Variants in PDE3B observed in about 807,000 individuals in gnomAD.
The protein encoded by PDE3B is phosphodiesterase 3B, also known as cGMP-inhibited 3',5'-cyclic phosphodiesterase 3B.
In PDE3B, 66 loss-of-function variants were observed where a neutral mutation model predicts 116.8. That is an observed-to-expected ratio of 0.56 (90% CI 0.46 to 0.69). PDE3B has a LOEUF of 0.69. Ranked by LOEUF, PDE3B falls within the 30% of genes least tolerant of loss-of-function variation. PDE3B has a pLI of 0.00. For synonymous variants in PDE3B, 595 were observed against 533.6 expected, an observed-to-expected ratio of 1.12 and a Z score of -1.59; for missense variants, 1,384 against 1,368.1, an observed-to-expected ratio of 1.01 and a Z score of -0.18.
chr11:14,756,723 C>T (rs16930516), intron 1 of PDE3B, among the ~76,000 whole-genome samples: 20,086 of 151,956 alleles, frequency 0.13, 1,526 homozygotes, highest in African/African-American at 0.2. Flanking sequence ...CACATGGTAA[C>T]ATATTCTAAG....
At chr11:14,730,618 C>A (rs1313320494) in intron 1 of PDE3B, among the ~76,000 whole-genome samples, 1 of 152,190 alleles carries the variant, frequency 6.6e-6, no homozygotes, top group African/African-American at 2.4e-5. Flanking sequence ...ATTACTTTAA[C>A]AAGTTTCTGC....
chr11:14,895,277 A>C, the PDE3B span, among the ~76,000 whole-genome samples: 1 of 152,250 alleles, frequency 6.6e-6, no homozygotes, highest in African/African-American at 2.4e-5. Flanking sequence ...GAATTGAAGG[A>C]AGTGAGAGCC....
chr11:14,745,710 T>C (rs981988040), intron 1 of PDE3B, among the ~76,000 whole-genome samples: 2 of 152,154 alleles, frequency 1.3e-5, no homozygotes, highest in Admixed American at 1.3e-4. Context: ...TCGCTATACT[T>C]TTTCCCTTCA....
At chr11:14,718,610 A>G (rs1309857742) in intron 1 of PDE3B, among the ~76,000 whole-genome samples, 1 of 150,152 alleles carries the variant, frequency 6.7e-6, no homozygotes, top group Non-Finnish European at 1.5e-5. Context: ...ACTCAGGATT[A>G]AGAATCTCAC....
intron 1 of PDE3B, among the ~76,000 whole-genome samples, chr11:14,743,560 G>C (rs890751059): frequency 1.3e-5 from 2 of 152,172 alleles, no homozygotes; most frequent in Non-Finnish European, 1.5e-5. Context: ...CCCTTTCCAG[G>C]GTAGTGAACA....
At chr11:14,665,420 C>A (rs2133770538) in intron 1 of PDE3B, among the ~76,000 whole-genome samples, 1 of 152,228 alleles carries the variant, frequency 6.6e-6, no homozygotes, top group South Asian at 2.1e-4. Context: ...CTAGCCAGGG[C>A]AATTAGGCAG....
the PDE3B span, chr11:14,887,710 A>T: frequency 1.2e-6 from 1 of 857,704 alleles, no homozygotes; most frequent in Non-Finnish European, 1.4e-6. Flanking sequence ...TCTCCCAGTT[A>T]ATGACCACTC....
chr11:14,721,900 A>G (rs534214899), intron 1 of PDE3B, among the ~76,000 whole-genome samples: 2 of 139,592 alleles, frequency 1.4e-5, no homozygotes, highest in South Asian at 4.8e-4. Flanking sequence ...CAATGTGCAC[A>G]TGTACCCTAA....
intron 4 of PDE3B, among the ~76,000 whole-genome samples, chr11:14,802,135 G>C (rs996837593): frequency 6.6e-6 from 1 of 152,194 alleles, no homozygotes; most frequent in Non-Finnish European, 1.5e-5. Context: ...TTCCGGGGGA[G>C]TATAGGGTTC....
At chr11:14,660,158 T>C (rs1853847182) in intron 1 of PDE3B, among the ~76,000 whole-genome samples, 2 of 152,190 alleles carry the variant, frequency 1.3e-5, no homozygotes, top group Admixed American at 6.5e-5. Context: ...AGACAGAGGA[T>C]GTAGAGTTTA....
intron 1 of PDE3B, among the ~76,000 whole-genome samples, chr11:14,686,271 A>G (rs746093006): frequency 6.6e-6 from 1 of 152,180 alleles, no homozygotes; most frequent in Non-Finnish European, 1.5e-5. Flanking sequence ...CTGAGTCTAT[A>G]TTTTCAACCC....
chr11:14,828,429 A>C (rs969909868), intron 7 of PDE3B, among the ~76,000 whole-genome samples: 8 of 152,220 alleles, frequency 5.3e-5, no homozygotes, highest in Admixed American at 4.6e-4. Context: ...CATCTGATAA[A>C]GGCCTAATAT....
At chr11:14,654,787 T>TACACACACAC (rs59557281) in intron 1 of PDE3B, among the ~76,000 whole-genome samples, 154 of 142,080 alleles carry the variant, frequency 1.1e-3, no homozygotes, top group East Asian at 4.1e-3. Context: ...AGCAGCTGTC[T>TACACACACAC]ACACACACAC....
intron 1 of PDE3B, among the ~76,000 whole-genome samples, chr11:14,704,244 A>G (rs1465525358): frequency 1.3e-5 from 2 of 151,782 alleles, no homozygotes; most frequent in Non-Finnish European, 3.0e-5. Context: ...AATCATGACT[A>G]CATAATAAAG....
At chr11:14,796,011 G>T (rs1197442619) in intron 4 of PDE3B, among the ~76,000 whole-genome samples, 1 of 152,188 alleles carries the variant, frequency 6.6e-6, no homozygotes, top group Non-Finnish European at 1.5e-5. Context: ...TTCTCCTAAT[G>T]CTATCCCTCC....
At chr11:14,846,855 C>T (rs1847615530) in intron 12 of PDE3B, among the ~76,000 whole-genome samples, 1 of 152,136 alleles carries the variant, frequency 6.6e-6, no homozygotes. Context: ...CCTGAGTAAC[C>T]TACAAAGAGA....
chr11:14,879,412 C>T, the PDE3B span: 2 of 1,605,246 alleles, frequency 1.2e-6, no homozygotes, highest in Non-Finnish European at 1.7e-6. Context: ...CATTAGGGCC[C>T]ATAATTAAAT....
intron 1 of PDE3B, among the ~76,000 whole-genome samples, chr11:14,673,213 TGAATTGA>T (rs1207622726): frequency 6.6e-6 from 1 of 151,584 alleles, no homozygotes; most frequent in African/African-American, 2.4e-5. Flanking sequence ...TTATATACAC[TGAATTGA>T]ACCTTTGGCA....
chr11:14,847,481 A>G (rs1293910618), intron 12 of PDE3B, among the ~76,000 whole-genome samples: 3 of 151,588 alleles, frequency 2.0e-5, no homozygotes, highest in East Asian at 1.9e-4. Flanking sequence ...GGCAAGAAAT[A>G]ACTAAAATCA....
Sources: allele counts gnomAD v4.1 joint callset (sites outside exome capture counted in the v4.1 genomes callset), GRCh38; gene constraint gnomAD v4.1.1; transcripts MANE v1.5; gene names NCBI Gene and HGNC (gene_info 2026-07-23, HGNC 2026-07-21).